Variants in ARID1B observed in about 807,000 individuals in gnomAD.
ARID1B encodes the protein AT-rich interactive domain-containing protein 1B.
ARID1B carries 30 observed loss-of-function variants against 212.3 expected under a neutral mutation model. That is an observed-to-expected ratio of 0.14 (90% CI 0.11 to 0.19). The LOEUF (loss-of-function observed/expected upper bound fraction) is 0.19, where lower values mean the gene tolerates loss of function less well. ARID1B is among the 10% of genes least tolerant of loss of function. ARID1B has a pLI of 1.00. For synonymous variants in ARID1B, 1,402 were observed against 1,301.7 expected (o/e 1.08, Z -1.66); for missense variants, 2,891 against 3,204.0 (o/e 0.90, Z 2.36).
intron 1 of ARID1B, among the ~76,000 whole-genome samples, chr6:156,788,678 A>G (rs1346218200): frequency 1.3e-5 from 2 of 152,170 alleles, no homozygotes; most frequent in Non-Finnish European, 2.9e-5. Context: ...TATGATTTAG[A>G]CTTGATCCTT....
chr6:157,036,616 C>T (rs929100643), intron 4 of ARID1B: 3 of 326,602 alleles, frequency 9.2e-6, no homozygotes, highest in African/African-American at 6.5e-5. Flanking sequence ...TTGATAGGAG[C>T]TCCCGCCGTC....
chr6:156,959,015 A>G (rs1391299820), intron 4 of ARID1B, among the ~76,000 whole-genome samples: 1 of 152,248 alleles, frequency 6.6e-6, no homozygotes, highest in East Asian at 1.9e-4. Context: ...AGACTATTTA[A>G]TTATCATACT....
At chr6:156,958,767 A>AG (rs1794146704) in intron 4 of ARID1B, among the ~76,000 whole-genome samples, 1 of 152,040 alleles carries the variant, frequency 6.6e-6, no homozygotes. Context: ...TTTCTGCTAA[A>AG]AAAAAGCTCT....
At chr6:157,199,215 G>A (rs1449836411) in intron 17 of ARID1B, among the ~76,000 whole-genome samples, 1 of 152,152 alleles carries the variant, frequency 6.6e-6, no homozygotes, top group East Asian at 1.9e-4. Context: ...TGTATCTATT[G>A]TGCATACTGT....
At position 156,799,288 on chromosome 6, in the gene ARID1B, C is replaced by A. The variant is rs1467906876; in HGVS notation, c.1791+19817C>A. Among the ~76,000 whole-genome samples, 6 of 152,224 alleles carry A rather than the reference C, an allele frequency of 3.9e-5. No homozygotes were observed. The South Asian group carries it at 1.2e-3, about 31-fold the overall frequency. ...GTTCTATTACTGTACTCATTTGAGG[C>A]ACACATCTAGCGAGTGGCACAGCTG... is the stretch of plus-strand genomic sequence containing the variant. On this transcript the variant is annotated intron_variant, in intron 1 of 19. Coordinates refer to ENST00000636930, the MANE Select transcript of ARID1B (RefSeq NM_001374828.1).
intron 4 of ARID1B, among the ~76,000 whole-genome samples, chr6:156,996,501 A>AT (rs1386808322): frequency 2.6e-5 from 4 of 152,198 alleles, no homozygotes; most frequent in Admixed American, 6.5e-5. Context: ...CTGGGCCTCC[A>AT]TTTGTTTCTC....
chr6:157,166,812 T>C (rs905117468), intron 8 of ARID1B: 3 of 449,082 alleles, frequency 6.7e-6, no homozygotes, highest in Non-Finnish European at 1.1e-5. Context: ...TAAAAATGTG[T>C]AATTTACTTG....
intron 11 of ARID1B, chr6:157,175,684 T>A (rs991780065): frequency 1.3e-5 from 2 of 152,308 alleles, no homozygotes; most frequent in Admixed American, 1.3e-4. Flanking sequence ...TTGTATGATA[T>A]ATAAATTATA....
rs61172896 is a variant in ARID1B at position 157,127,783 on chromosome 6, C to CAAAA, written c.2582-5225_2582-5222dup. Among the ~76,000 whole-genome samples the CAAAA allele has an allele frequency of 5.1e-3, 292 of 56,758 alleles. 15 individuals are homozygous for CAAAA. Among genetic ancestry groups the CAAAA allele is most frequent in the African/African-American group, 0.018 (276 of 15,596 alleles). 37.2% of individuals were successfully genotyped at this position (56,758 alleles called of 152,430 possible). A position where few individuals can be genotyped will look rare whatever the true frequency, so the allele number is the denominator to read the frequency against. On this transcript the variant is annotated intron_variant, in intron 6 of 19. Coordinates refer to ENST00000636930, the MANE Select transcript of ARID1B (RefSeq NM_001374828.1). Reference sequence around the variant, plus strand: ...TGGGTGACAGAGTGAGACTCTGTCTCAAAAAAAAAAAAAAAAAAAAAAACA... The same window carrying CAAAA: ...TGGGTGACAGAGTGAGACTCTGTCTCAAAAAAAAAAAAAAAAAAAAAAAAAAACA...
At position 157,207,213 on chromosome 6, in the gene ARID1B, G is replaced by A. The variant is rs371980859; in HGVS notation, c.6441G>A (p.Thr2147=). 1.9e-4 allele frequency: 308 copies of A among 1,614,064 alleles called. No homozygotes were observed. Among genetic ancestry groups the A allele is most frequent in the Non-Finnish European group, 2.5e-4 (291 of 1,180,048 alleles). ...GCCTCGAGGTCTTGAGGGATAACACGTTGGTCACGTTGGCCAACATTTCCG... is the reference window on the plus strand; with the variant it reads ...GCCTCGAGGTCTTGAGGGATAACACATTGGTCACGTTGGCCAACATTTCCG... ...WDCLEVLRDN[T]LVTLANISGQ... is the part of the protein sequence containing the mutation. Residue 2147 remains threonine (T), a synonymous_variant, in exon 20 of 20, where the codon ACG becomes ACA. Transcript: ENST00000636930. The surrounding 1 kb of genome is among the most constrained non-coding windows in gnomAD (Gnocchi z 8.5).
chr6:156,817,056 A>T (rs1056860105), intron 1 of ARID1B, among the ~76,000 whole-genome samples: 4 of 151,186 alleles, frequency 2.6e-5, no homozygotes, highest in Non-Finnish European at 5.9e-5. Flanking sequence ...ACAATAAGGA[A>T]CTTCATCCCA....
intron 4 of ARID1B, among the ~76,000 whole-genome samples, chr6:157,054,814 C>T (rs1782839531): frequency 6.6e-6 from 1 of 152,190 alleles, no homozygotes; most frequent in Non-Finnish European, 1.5e-5. Context: ...TAGCATAAAA[C>T]ACATAAATGT....
intron 4 of ARID1B, chr6:157,022,273 T>C (rs1401865702): frequency 6.6e-6 from 1 of 152,264 alleles, no homozygotes; most frequent in East Asian, 1.9e-4. Flanking sequence ...AGCCAGGCAC[T>C]TGGATTCTAT....
rs1346042783 is a variant in ARID1B at position 156,955,592 on chromosome 6, A to G, written c.2247+20016A>G. On this transcript the variant is annotated intron_variant, in intron 4 of 19. Coordinates refer to ENST00000636930, the MANE Select transcript of ARID1B (RefSeq NM_001374828.1). This position sits in a 1 kb window ranked among gnomAD's most constrained non-coding sequence, Gnocchi z 4.2. ...TAATTTTATCTTTATCAAGTTTTCTACATGAGAGGAGAAAATCTACCTTTT... is the reference window on the plus strand; with the variant it reads ...TAATTTTATCTTTATCAAGTTTTCTGCATGAGAGGAGAAAATCTACCTTTT... Among the ~76,000 whole-genome samples, 1 of 152,244 alleles carries G rather than the reference A, an allele frequency of 6.6e-6. No individual in the cohort carries two copies. Among genetic ancestry groups the G allele is most frequent in the Non-Finnish European group, 1.5e-5 (1 of 68,048 alleles).
At chr6:157,173,868 C>T (rs933604608) in intron 9 of ARID1B, 140 bp from the exon 10 acceptor site, 2 of 652,418 alleles carry the variant, frequency 3.1e-6, no homozygotes, top group Non-Finnish European at 5.2e-6. Context: ...AATATGCTCC[C>T]CATTACAATT....
At chr6:156,800,030 A>C (rs1237960518) in intron 1 of ARID1B, among the ~76,000 whole-genome samples, 2 of 151,942 alleles carry the variant, frequency 1.3e-5, no homozygotes, top group African/African-American at 2.4e-5. Flanking sequence ...TATTATACAC[A>C]TCCCTCCTGT....
chr6:157,053,951 A>C (rs1048280225), intron 4 of ARID1B, among the ~76,000 whole-genome samples: 1 of 152,042 alleles, frequency 6.6e-6, no homozygotes. Context: ...TAGGCCGGGC[A>C]CAGGGGCTCA....
chr6:157,161,984 G>A (rs1051845054), intron 8 of ARID1B, among the ~76,000 whole-genome samples: 4 of 152,216 alleles, frequency 2.6e-5, no homozygotes, highest in African/African-American at 9.6e-5. Flanking sequence ...CAGTGGATGT[G>A]CTGGAGCTTC....
At chr6:156,841,470 A>G (rs1252904316) in intron 2 of ARID1B, among the ~76,000 whole-genome samples, 2 of 152,198 alleles carry the variant, frequency 1.3e-5, no homozygotes, top group Admixed American at 6.5e-5. Context: ...TAGTGCCTTC[A>G]TGTAAACTGT....
Sources: allele counts gnomAD v4.1 joint callset (sites outside exome capture counted in the v4.1 genomes callset), GRCh38; gene constraint gnomAD v4.1.1; non-coding constraint Gnocchi (gnomAD v3.1); transcripts MANE v1.5; gene names NCBI Gene and HGNC (gene_info 2026-07-23, HGNC 2026-07-21).